The following SCAND3 variants were observed in gnomAD, a reference collection of about 807,000 sequenced individuals.
SCAND3 encodes SCAN domain-containing protein 3.
At chr6:28,614,254 G>A in the SCAND3 span, among the ~76,000 whole-genome samples, 31 of 151,856 alleles carry the variant, frequency 2.0e-4, no homozygotes, top group Non-Finnish European at 3.2e-4. Flanking sequence ...GTGAGCCACC[G>A]CGCCTGGCAA....
chr6:28,574,118 G>A, the SCAND3 span, among the ~76,000 whole-genome samples: 2 of 151,970 alleles, frequency 1.3e-5, 1 homozygote, highest in East Asian at 3.9e-4. Flanking sequence ...TACCTAAATT[G>A]GTCTATATTC....
At chr6:28,610,967 C>T in the SCAND3 span, among the ~76,000 whole-genome samples, 13 of 152,256 alleles carry the variant, frequency 8.5e-5, no homozygotes, top group Admixed American at 8.5e-4. Context: ...CAACTGAATA[C>T]ACTAAGTATA....
chr6:28,598,629 GA>G, the SCAND3 span, among the ~76,000 whole-genome samples: 1 of 151,766 alleles, frequency 6.6e-6, no homozygotes, highest in Non-Finnish European at 1.5e-5. Flanking sequence ...TGTATCACTT[GA>G]GGTCAGGAGT....
chr6:28,595,195 CAAAAAAAAAA>C, the SCAND3 span, among the ~76,000 whole-genome samples: 3 of 16,104 alleles, frequency 1.9e-4, no homozygotes, highest in African/African-American at 5.6e-4. Context: ...CCGTCACTAC[CAAAAAAAAAA>C]AAAAAAAAAA....
the SCAND3 span, chr6:28,586,956 G>A: frequency 1.9e-6 from 1 of 532,364 alleles, no homozygotes; most frequent in East Asian, 3.0e-5. The surrounding 1 kb of genome is among the most constrained non-coding windows in gnomAD (Gnocchi z 4.4). Flanking sequence ...GAAATAGTGA[G>A]CACAGAGCGA....
At chr6:28,601,457 G>A in the SCAND3 span, among the ~76,000 whole-genome samples, 2 of 151,974 alleles carry the variant, frequency 1.3e-5, no homozygotes, top group African/African-American at 2.4e-5. Flanking sequence ...AGCTTTTTTC[G>A]ATGCAAGCGT....
the SCAND3 span, among the ~76,000 whole-genome samples, chr6:28,613,953 CTTTCTTTTCT>C: frequency 1.3e-5 from 2 of 151,716 alleles, no homozygotes; most frequent in Non-Finnish European, 2.9e-5. Flanking sequence ...AACAATTCCA[CTTTCTTTTCT>C]TTTCTTTTTT....
the SCAND3 span, chr6:28,591,607 T>C: frequency 6.6e-6 from 1 of 152,204 alleles, no homozygotes; most frequent in Non-Finnish European, 1.5e-5. Context: ...AAGTTCCTCG[T>C]AGTCACTTTC....
chr6:28,574,732 T>G, the SCAND3 span: 1 of 1,614,130 alleles, frequency 6.2e-7, no homozygotes, highest in Non-Finnish European at 8.5e-7. Flanking sequence ...TTGAATCTCA[T>G]CATGTTTCCT....
chr6:28,609,937 G>T, the SCAND3 span, among the ~76,000 whole-genome samples: 1 of 152,150 alleles, frequency 6.6e-6, no homozygotes, highest in African/African-American at 2.4e-5. Flanking sequence ...GAAATAAATG[G>T]CATGGAGTCC....
chr6:28,597,173 G>A, the SCAND3 span, among the ~76,000 whole-genome samples: 1 of 152,210 alleles, frequency 6.6e-6, no homozygotes, highest in Admixed American at 6.5e-5. Context: ...AATTGTCCCT[G>A]AGATTTGAGA....
chr6:28,605,253 A>C, the SCAND3 span, among the ~76,000 whole-genome samples: 1 of 152,186 alleles, frequency 6.6e-6, no homozygotes, highest in Admixed American at 6.5e-5. Context: ...CCTGGGCTCC[A>C]GGTGTTTCTA....
chr6:28,586,302 T>C, the SCAND3 span: 1 of 1,592,880 alleles, frequency 6.3e-7, no homozygotes, highest in South Asian at 1.1e-5. This position sits in a 1 kb window ranked among gnomAD's most constrained non-coding sequence, Gnocchi z 4.4. Flanking sequence ...TCTCACCTGC[T>C]GTCTAGGTTC....
At chr6:28,574,632 A>G in the SCAND3 span, 1 of 1,602,996 alleles carries the variant, frequency 6.2e-7, no homozygotes, top group East Asian at 2.2e-5. Context: ...TACGGCAGAT[A>G]TTCAATCTTA....
the SCAND3 span, chr6:28,575,506 C>T: frequency 1.2e-6 from 2 of 1,613,856 alleles, no homozygotes; most frequent in Non-Finnish European, 1.7e-6. This position sits in a 1 kb window ranked among gnomAD's most constrained non-coding sequence, Gnocchi z 4.2. Context: ...TAACTTTGTA[C>T]AGAGATCTTG....
chr6:28,586,674 G>C, the SCAND3 span: 3 of 1,613,976 alleles, frequency 1.9e-6, no homozygotes, highest in Non-Finnish European at 2.5e-6. The surrounding 1 kb of genome is among the most constrained non-coding windows in gnomAD (Gnocchi z 4.4). Context: ...TTCTTCTGGA[G>C]CCTGGCCAGC....
At chr6:28,599,905 T>C in the SCAND3 span, among the ~76,000 whole-genome samples, 1 of 152,040 alleles carries the variant, frequency 6.6e-6, no homozygotes, top group African/African-American at 2.4e-5. Context: ...TTTAACAAAT[T>C]TTAATAAAAC....
the SCAND3 span, chr6:28,572,446 G>A: frequency 1.7e-5 from 27 of 1,612,694 alleles, no homozygotes; most frequent in Non-Finnish European, 2.0e-5. The surrounding 1 kb of genome is among the most constrained non-coding windows in gnomAD (Gnocchi z 4.1). Flanking sequence ...ACAATCTGTA[G>A]AAATTCTGTT....
chr6:28,607,714 A>C, the SCAND3 span, among the ~76,000 whole-genome samples: 2 of 152,108 alleles, frequency 1.3e-5, no homozygotes. Context: ...AGGTACATGA[A>C]GGACAATAAA....
Sources: allele counts gnomAD v4.1 joint callset (sites outside exome capture counted in the v4.1 genomes callset), GRCh38; gene constraint gnomAD v4.1.1; non-coding constraint Gnocchi (gnomAD v3.1); transcripts MANE v1.5; gene names NCBI Gene and HGNC (gene_info 2026-07-23, HGNC 2026-07-21).